Variants in PDE4D observed in about 807,000 individuals in gnomAD.
PDE4D encodes the protein phosphodiesterase 4D.
PDE4D carries 24 observed loss-of-function variants against 87.4 expected under a neutral mutation model. That is an observed-to-expected ratio of 0.27 (90% CI 0.20 to 0.39). The LOEUF (loss-of-function observed/expected upper bound fraction) is 0.39, where lower values mean the gene tolerates loss of function less well. Ranked by LOEUF, PDE4D falls within the 10% of genes least tolerant of loss-of-function variation. The probability of loss-of-function intolerance (pLI) is 1.00; values close to 1 mark genes in which losing one functional copy is unlikely to be tolerated. For synonymous variants in PDE4D, 384 were observed against 383.2 expected, an observed-to-expected ratio of 1.00 and a Z score of -0.02; for missense variants, 714 against 1,041.0, an observed-to-expected ratio of 0.69 and a Z score of 4.32.
chr5:59,779,421 G>A (rs769680901), intron 1 of PDE4D, among the ~76,000 whole-genome samples: 5 of 152,052 alleles, frequency 3.3e-5, no homozygotes, highest in Middle Eastern at 3.2e-3. Flanking sequence ...CTATTAGGAC[G>A]TGAAATGAGG....
intron 1 of PDE4D, among the ~76,000 whole-genome samples, chr5:60,230,823 C>T (rs1245629437): frequency 6.6e-6 from 1 of 152,038 alleles, no homozygotes; most frequent in Non-Finnish European, 1.5e-5. Flanking sequence ...TGAAGTGGAG[C>T]TTAGGATGCA....
At chr5:59,517,052 A>G (rs949614028) in intron 1 of PDE4D, among the ~76,000 whole-genome samples, 2 of 152,228 alleles carry the variant, frequency 1.3e-5, no homozygotes, top group Non-Finnish European at 2.9e-5. Flanking sequence ...CATGTAAAAT[A>G]TTAAACTCTT....
chr5:59,800,930 A>G (rs1767054580), intron 1 of PDE4D, among the ~76,000 whole-genome samples: 1 of 152,232 alleles, frequency 6.6e-6, no homozygotes, highest in South Asian at 2.1e-4. Context: ...TAAAATCTCT[A>G]AGTGAGGATG....
intron 2 of PDE4D, among the ~76,000 whole-genome samples, chr5:60,084,561 G>T (rs145198545): frequency 1.3e-5 from 2 of 152,060 alleles, no homozygotes; most frequent in African/African-American, 2.4e-5. Flanking sequence ...AAGATATTCA[G>T]TGACCCATTT....
chr5:60,028,262 T>G (rs991226412), intron 2 of PDE4D, among the ~76,000 whole-genome samples: 2 of 152,190 alleles, frequency 1.3e-5, no homozygotes, highest in Non-Finnish European at 2.9e-5. Flanking sequence ...TTTAGCTTCA[T>G]GTTTTGGGGG....
chr5:59,808,964 C>G (rs1263715298), intron 1 of PDE4D, among the ~76,000 whole-genome samples: 1 of 152,046 alleles, frequency 6.6e-6, no homozygotes, highest in Non-Finnish European at 1.5e-5. Context: ...TTGGTTAGGA[C>G]AGTGTTCTTG....
At chr5:60,043,149 T>C (rs2152870017) in intron 2 of PDE4D, among the ~76,000 whole-genome samples, 1 of 151,752 alleles carries the variant, frequency 6.6e-6, no homozygotes, top group South Asian at 2.1e-4. Context: ...TCCTGAAGCA[T>C]ACACAAGTAT....
intron 1 of PDE4D, among the ~76,000 whole-genome samples, chr5:59,604,392 C>A (rs1180785801): frequency 1.3e-5 from 2 of 152,040 alleles, no homozygotes; most frequent in Non-Finnish European, 2.9e-5. Flanking sequence ...AACCTGCTGA[C>A]TGCAATGGTG....
intron 3 of PDE4D, among the ~76,000 whole-genome samples, chr5:59,937,258 G>A (rs1380244147): frequency 6.6e-6 from 1 of 152,022 alleles, no homozygotes. Context: ...TCCTCAATGA[G>A]GAATTAGAGA....
At chr5:59,426,877 T>G (rs1795303939) in intron 1 of PDE4D, among the ~76,000 whole-genome samples, 3 of 152,026 alleles carry the variant, frequency 2.0e-5, no homozygotes, top group Admixed American at 6.6e-5. Flanking sequence ...TTTATGAAAT[T>G]TTGTGCTTCT....
chr5:59,354,323 T>C lies in PDE4D; in HGVS notation c.456-138355A>G, dbSNP rs560605606. On this transcript the variant is annotated intron_variant, in intron 1 of 14. Transcript: ENST00000340635. ...AGTTACTTTCACCGCGTAAGGATTT[T>C]GTATATTTTTTAAAAAATAAGAAAT... Among the ~76,000 whole-genome samples, 3 of 152,326 alleles carry C rather than the reference T, an allele frequency of 2.0e-5. No individual in the cohort carries two copies. The South Asian group carries it at 6.2e-4, about 32-fold the overall frequency.
At chr5:59,485,012 T>A (rs569727842) in intron 1 of PDE4D, among the ~76,000 whole-genome samples, 61 of 152,300 alleles carry the variant, frequency 4.0e-4, no homozygotes, top group East Asian at 1.9e-3. Flanking sequence ...ATCACTTTTT[T>A]AAAATAATTC....
intron 2 of PDE4D, among the ~76,000 whole-genome samples, chr5:60,012,896 C>T (rs1469252501): frequency 6.6e-6 from 1 of 152,190 alleles, no homozygotes; most frequent in Non-Finnish European, 1.5e-5. Context: ...GGCTCAAGAT[C>T]TGCCCACATG....
At chr5:59,753,885 T>C (rs1474009645) in intron 1 of PDE4D, among the ~76,000 whole-genome samples, 3 of 152,212 alleles carry the variant, frequency 2.0e-5, no homozygotes, top group Non-Finnish European at 4.4e-5. Flanking sequence ...CAAAGAAAAC[T>C]CTCAAGATGA....
intron 6 of PDE4D, among the ~76,000 whole-genome samples, chr5:59,027,599 T>C (rs1043388919): frequency 6.6e-6 from 1 of 152,194 alleles, no homozygotes; most frequent in Non-Finnish European, 1.5e-5. Context: ...TCCAATACTA[T>C]ATTATTTTCT....
At chr5:59,753,521 C>T (rs867559771) in intron 1 of PDE4D, among the ~76,000 whole-genome samples, 2 of 152,078 alleles carry the variant, frequency 1.3e-5, no homozygotes, top group South Asian at 4.2e-4. Flanking sequence ...GGAACTTGAG[C>T]CTGGGAAATG....
At chr5:59,628,174 A>G (rs1053064976) in intron 1 of PDE4D, among the ~76,000 whole-genome samples, 1 of 152,216 alleles carries the variant, frequency 6.6e-6, no homozygotes, top group Non-Finnish European at 1.5e-5. Context: ...TAACTTAATA[A>G]TGGAAGAAGA....
At chr5:59,374,876 C>G (rs1784463531) in intron 1 of PDE4D, among the ~76,000 whole-genome samples, 1 of 152,190 alleles carries the variant, frequency 6.6e-6, no homozygotes, top group Non-Finnish European at 1.5e-5. Flanking sequence ...GAAATTCACT[C>G]AAAACCATGC....
rs55874040 is a variant in PDE4D, at chr5:59,438,576, G to C, written c.456-222608C>G. On this transcript the variant is annotated intron_variant, in intron 1 of 14. Coordinates refer to ENST00000340635, the MANE Select transcript of PDE4D (RefSeq NM_001104631.2). The stretch of plus-strand genomic sequence containing the variant: ...TGAATAGTATACAGCTATTGCCCTG[G>C]AATGATGATTAAATAGTGCCTCCTT... 5.9e-3 allele frequency among the ~76,000 whole-genome samples: 896 copies of C among 152,290 alleles called. 10 individuals are homozygous for C. The highest frequency in any genetic ancestry group is 0.02 in the African/African-American group (819 of 41,554).
Sources: gnomAD v4.1 joint callset for allele counts (sites outside exome capture counted in the v4.1 genomes callset) on GRCh38, gnomAD v4.1.1 for gene constraint, MANE v1.5 for transcripts, NCBI Gene and HGNC (gene_info 2026-07-23, HGNC 2026-07-21) for gene names.